PIGK: variants seen among roughly 807,000 people sequenced by gnomAD.
PIGK encodes GPI-anchor transamidase.
A neutral mutation model predicts 50.6 loss-of-function variants in PIGK; 42 were observed. The ratio of observed to expected loss-of-function variants is 0.83; its 90% CI spans 0.65 to 1.07. The LOEUF (loss-of-function observed/expected upper bound fraction) is 1.07, where lower values mean the gene tolerates loss of function less well. PIGK is among the 50% of genes least tolerant of loss of function. The pLI, the probability that PIGK is intolerant of heterozygous loss-of-function variation, is 0.00. For missense variants in PIGK, 448 were observed against 488.7 expected (o/e 0.92, Z 0.78); for synonymous variants, 151 against 156.0 (o/e 0.97, Z 0.24).
At chr1:77,169,129 A>G (rs1655299053) in intron 4 of PIGK, 131 bp downstream of exon 4, 1 of 530,198 alleles carries the variant, frequency 1.9e-6, no homozygotes, top group Admixed American at 3.9e-5. Flanking sequence ...TGAACTTCAG[A>G]GAAGTTACAT....
chr1:77,099,165 T>C (rs1488807002), intron 10 of PIGK, among the ~76,000 whole-genome samples: 1 of 152,066 alleles, frequency 6.6e-6, no homozygotes, highest in Non-Finnish European at 1.5e-5. Context: ...AATAAAAATA[T>C]TTTCAAATAA....
chr1:77,126,028 G>A (rs17099931), intron 9 of PIGK, among the ~76,000 whole-genome samples: 2,114 of 151,924 alleles, frequency 0.014, 53 homozygotes, highest in African/African-American at 0.049. Context: ...TTACTTTCCC[G>A]AGTTCAGTCA....
intron 8 of PIGK, 46 bp downstream of exon 8, chr1:77,161,249 A>G (rs1019596245): frequency 1.2e-5 from 11 of 890,372 alleles, no homozygotes; most frequent in Non-Finnish European, 2.1e-5. Context: ...TTTCACATTA[A>G]GGTTAGCATA....
chr1:77,114,576 T>C (rs959530467), intron 10 of PIGK, among the ~76,000 whole-genome samples: 10 of 152,214 alleles, frequency 6.6e-5, no homozygotes, highest in Admixed American at 1.3e-4. Context: ...TAATGACAAA[T>C]TTGTAGGTGG....
intron 9 of PIGK, among the ~76,000 whole-genome samples, chr1:77,131,259 T>G (rs1654365527): frequency 1.3e-5 from 2 of 151,846 alleles, no homozygotes. Flanking sequence ...TTGATTTCCA[T>G]GTAATGATCT....
At chr1:77,183,236 G>T (rs1013128638) in intron 3 of PIGK, among the ~76,000 whole-genome samples, 6 of 152,130 alleles carry the variant, frequency 3.9e-5, no homozygotes, top group Non-Finnish European at 4.4e-5. Context: ...ATGAAGCTGG[G>T]GTCACTGAGT....
At chr1:77,209,475 A>G (rs1206367835) in intron 2 of PIGK, among the ~76,000 whole-genome samples, 4 of 152,166 alleles carry the variant, frequency 2.6e-5, no homozygotes, top group Non-Finnish European at 5.9e-5. Context: ...CCAGCAGTCA[A>G]AAAGTTAAGA....
rs184078410 is a variant in PIGK at position 77,149,331 on chromosome 1, G to C, written c.986+5118C>G. On this transcript the variant is annotated intron_variant, in intron 9 of 10. Coordinates refer to ENST00000370812, the MANE Select transcript of PIGK (RefSeq NM_005482.3). ...CATGACTAACTGGATTAAAAAACAA[G>C]ACCCACCTATATGTTGCCTACAAGA... 2.0e-5 allele frequency among the ~76,000 whole-genome samples: 3 copies of C among 151,836 alleles called. No individual in the cohort carries two copies. The East Asian group carries it at 5.8e-4, about 29-fold the overall frequency.
intron 3 of PIGK, among the ~76,000 whole-genome samples, chr1:77,200,577 T>C (rs1656140772): frequency 2.6e-5 from 4 of 152,048 alleles, no homozygotes; most frequent in Admixed American, 2.6e-4. Context: ...TTAATGAGTG[T>C]GCATAATTGT....
intron 3 of PIGK, among the ~76,000 whole-genome samples, chr1:77,175,677 G>A (rs1655469028): frequency 6.6e-6 from 1 of 152,138 alleles, no homozygotes; most frequent in African/African-American, 2.4e-5. Flanking sequence ...GCAAGTTGTG[G>A]AAGGTTTGTA....
At chr1:77,156,369 G>C (rs952910016) in intron 8 of PIGK, among the ~76,000 whole-genome samples, 1 of 152,110 alleles carries the variant, frequency 6.6e-6, no homozygotes, top group Non-Finnish European at 1.5e-5. Context: ...TTTCTTTTAA[G>C]AATTTTTATC....
chr1:77,184,332 C>T (rs936123040), intron 3 of PIGK, among the ~76,000 whole-genome samples: 3 of 152,064 alleles, frequency 2.0e-5, no homozygotes, highest in African/African-American at 7.2e-5. Context: ...GAATCATGGC[C>T]CCTCAATCAA....
chr1:77,103,252 A>G (rs536234552), intron 10 of PIGK, among the ~76,000 whole-genome samples: 3 of 152,340 alleles, frequency 2.0e-5, no homozygotes, highest in Non-Finnish European at 4.4e-5. Flanking sequence ...TTGGTAAGTA[A>G]TTTATGGGAC....
chr1:77,100,500 T>A (rs1312218297), intron 10 of PIGK, among the ~76,000 whole-genome samples: 1 of 152,166 alleles, frequency 6.6e-6, no homozygotes, highest in Non-Finnish European at 1.5e-5. Flanking sequence ...ATAATACCTA[T>A]CCCTTGAGTC....
At chr1:77,214,551 A>C (rs964569874) in intron 1 of PIGK, among the ~76,000 whole-genome samples, 1 of 152,302 alleles carries the variant, frequency 6.6e-6, no homozygotes, top group South Asian at 2.1e-4. Context: ...CATCATATTG[A>C]ACAGGGAAAA....
Position 77,089,078 on chromosome 1 carries a change from CTAA to C in PIGK, c.*3293_*3295del, listed in dbSNP as rs1321391349. On this transcript the variant is annotated 3_prime_UTR_variant, in exon 11 of 11. Transcript: ENST00000370812. ...TATTCTAGGATCTACACAGTTAAAC[CTAA>C]TATTTCACAGCACATTTCCAAAACA... is the stretch of plus-strand genomic sequence containing the variant. 4 of 152,072 alleles carry C rather than the reference CTAA, an allele frequency of 2.6e-5. No individual in the cohort carries two copies. The highest frequency in any genetic ancestry group is 9.7e-5 in the African/African-American group (4 of 41,360). 9.4% of individuals were successfully genotyped at this position (152,072 alleles called of 1,614,324 possible).
chr1:77,102,964 A>T (rs1188530919), intron 10 of PIGK, among the ~76,000 whole-genome samples: 5 of 152,156 alleles, frequency 3.3e-5, no homozygotes, highest in Non-Finnish European at 1.5e-5. Flanking sequence ...TTCAACACTG[A>T]GGGTGAAAGA....
At chr1:77,117,395 A>G (rs1019146501) in intron 10 of PIGK, among the ~76,000 whole-genome samples, 5 of 152,224 alleles carry the variant, frequency 3.3e-5, no homozygotes, top group African/African-American at 4.8e-5. Flanking sequence ...TGATTTTCTC[A>G]CATAATTTTG....
rs150635871 is a variant in PIGK, at chr1:77,169,721, T to G, written c.240-326A>C. Among the ~76,000 whole-genome samples, 9 of 152,318 alleles carry G rather than the reference T, an allele frequency of 5.9e-5. No individual in the cohort carries two copies. The East Asian group carries it at 1.7e-3, about 29-fold the overall frequency. On this transcript the variant is annotated intron_variant, in intron 3 of 10. Transcript: ENST00000370812. The stretch of plus-strand genomic sequence containing the variant: ...GAACAGAATTTCAAGTTACAATGTT[T>G]TTCTGAACAATGTATACTTTATGCC...
Sources: gnomAD v4.1 joint callset for allele counts (sites outside exome capture counted in the v4.1 genomes callset) on GRCh38, gnomAD v4.1.1 for gene constraint, MANE v1.5 for transcripts, NCBI Gene and HGNC (gene_info 2026-07-23, HGNC 2026-07-21) for gene names.